Variants in KATNAL1 observed in about 807,000 individuals in gnomAD.
KATNAL1 encodes the protein katanin catalytic subunit A1 like 1, also known as katanin p60 ATPase-containing subunit A-like 1.
KATNAL1 carries 32 observed loss-of-function variants against 55.2 expected under a neutral mutation model. That is an observed-to-expected ratio of 0.58 (90% CI 0.44 to 0.78). The LOEUF (loss-of-function observed/expected upper bound fraction) is 0.78. Ranked by LOEUF, KATNAL1 falls within the 30% of genes least tolerant of loss-of-function variation. KATNAL1 has a pLI of 0.00. For missense variants in KATNAL1, 466 were observed against 600.9 expected (o/e 0.78, Z 2.35); for synonymous variants, 193 against 193.6 (o/e 1.00, Z 0.02).
chr13:30,231,323 C>CT lies in KATNAL1; in HGVS notation c.875_876insA (p.Phe293ValfsTer2). 1 of 1,606,764 alleles carries CT rather than the reference C, an allele frequency of 6.2e-7. No homozygotes were observed. The highest frequency in any genetic ancestry group is 8.5e-7 in the Non-Finnish European group (1 of 1,176,482). On this transcript the variant is annotated frameshift_variant, in exon 7 of 11. Transcript: ENST00000380615. LOFTEE classifies it high-confidence loss of function. ...ATATATCGTCACTCACCATCTCAAA[C>CT]AACAGACGAACTAACTTCTCAGATT...
chr13:30,247,876 C>T lies in KATNAL1; in HGVS notation c.493-6790G>A, dbSNP rs373839710. On this transcript the variant is annotated intron_variant, in intron 4 of 10. Transcript: ENST00000380615. ...GTGTGTTCTCTCATGTTTTATTTTA[C>T]ACTTTCTGTAGTATACAGAATGGCT... Among the ~76,000 whole-genome samples, 45 of 152,310 alleles carry T rather than the reference C, an allele frequency of 3.0e-4. No individual in the cohort carries two copies. In the South Asian group the frequency reaches 6.6e-3, roughly 22 times the overall value.
Position 30,205,000 on chromosome 13 carries a change from T to C in KATNAL1, c.*3540A>G, listed in dbSNP as rs1257188050. 2 of 152,108 alleles carry C rather than the reference T, an allele frequency of 1.3e-5. No homozygotes were observed. The highest frequency in any genetic ancestry group is 2.4e-5 in the African/African-American group (1 of 41,426). The allele number at this position is 152,108 out of a possible 1,614,324, so 9.4% of individuals were successfully genotyped here. On this transcript the variant is annotated 3_prime_UTR_variant, in exon 11 of 11. Coordinates refer to ENST00000380615, the MANE Select transcript of KATNAL1 (RefSeq NM_032116.5). Reference sequence around the variant, plus strand: ...TAATTTCCTTTAAAAAAAGAAATTATGGGGGCAAAAGGTTTATAGTAAACA... The same window carrying C: ...TAATTTCCTTTAAAAAAAGAAATTACGGGGGCAAAAGGTTTATAGTAAACA...
At chr13:30,239,281 G>A (rs1280659168) in intron 6 of KATNAL1, among the ~76,000 whole-genome samples, 4 of 152,088 alleles carry the variant, frequency 2.6e-5, no homozygotes, top group Admixed American at 6.5e-5. Flanking sequence ...ATGGTGGCAC[G>A]CATCTGTAAT....
intron 6 of KATNAL1, among the ~76,000 whole-genome samples, chr13:30,239,711 G>C (rs1321037620): frequency 7.0e-6 from 1 of 142,456 alleles, no homozygotes; most frequent in Non-Finnish European, 1.5e-5. Context: ...TTTTGAGATG[G>C]AGTCTCACTC....
intron 9 of KATNAL1, among the ~76,000 whole-genome samples, chr13:30,212,272 T>C (rs1873763239): frequency 6.6e-6 from 1 of 152,166 alleles, no homozygotes; most frequent in South Asian, 2.1e-4. Flanking sequence ...GTTACAGAGT[T>C]TGAGAAGATA....
At chr13:30,210,761 A>C in intron 9 of KATNAL1, 1 of 175,422 alleles carries the variant, frequency 5.7e-6, no homozygotes. Flanking sequence ...AAATATAAAT[A>C]TCAGTTTTCA....
In KATNAL1 at chr13:30,255,485, T is replaced by C. The variant is rs201478358; in HGVS notation, c.454A>G (p.Arg152Gly). The change falls in exon 4 of 11, where the codon AGG (arginine) becomes GGG (glycine). Residue 152 changes from arginine (R) to glycine (G), a missense_variant. Transcript: ENST00000380615. ...CCTCTTGCTCTATAGTCCTTGTCCC[T>C]ACTTGTAGAAGGCTTTTCACTCTTT... ...ISKSEKPSTS[R>G]DKDYRARGRD... is the part of the protein sequence containing the mutation. 324 of 1,594,710 alleles carry C rather than the reference T, an allele frequency of 2.0e-4. 1 individual carries two copies. The highest frequency in any genetic ancestry group is 2.7e-4 in the Non-Finnish European group (312 of 1,170,382).
intron 8 of KATNAL1, among the ~76,000 whole-genome samples, chr13:30,229,179 T>C (rs868694473): frequency 1.3e-5 from 2 of 152,240 alleles, no homozygotes; most frequent in Middle Eastern, 3.4e-3. Context: ...TTTCCTTCTA[T>C]GGCTCCTCAG....
chr13:30,256,402 C>T (rs575791982), intron 3 of KATNAL1, among the ~76,000 whole-genome samples: 4 of 152,204 alleles, frequency 2.6e-5, no homozygotes, highest in South Asian at 4.1e-4. Context: ...TCTATCACTT[C>T]GTGTCTAATC....
chr13:30,223,993 TAC>T (rs1875184788), intron 9 of KATNAL1, among the ~76,000 whole-genome samples: 1 of 152,176 alleles, frequency 6.6e-6, no homozygotes, highest in South Asian at 2.1e-4. Context: ...ATTGACATCT[TAC>T]AGAGTATGTT....
chr13:30,296,251 G>T, intron 1 of KATNAL1: 1 of 1,161,300 alleles, frequency 8.6e-7, no homozygotes, highest in East Asian at 2.5e-5. Flanking sequence ...ACTACAAAGG[G>T]AAGTACGTGG....
intron 3 of KATNAL1, among the ~76,000 whole-genome samples, chr13:30,264,869 C>G (rs866678539): frequency 0.013 from 1,828 of 137,552 alleles, 17 homozygotes; most frequent in Middle Eastern, 0.058. Flanking sequence ...CATCCCATTA[C>G]TGGGTATATA....
chr13:30,244,415 ATTTATAATCC>A (rs1480165109), intron 4 of KATNAL1, among the ~76,000 whole-genome samples: 11 of 152,280 alleles, frequency 7.2e-5, no homozygotes, highest in Non-Finnish European at 1.3e-4. Context: ...TTATAGAATG[ATTTATAATCC>A]TTTGGGTATA....
intron 3 of KATNAL1, among the ~76,000 whole-genome samples, chr13:30,267,208 CTTAA>C (rs1879846997): frequency 1.3e-5 from 2 of 152,112 alleles, no homozygotes; most frequent in South Asian, 4.1e-4. Context: ...ACCTAAGATA[CTTAA>C]TTTATTTTTT....
At position 30,285,884 on chromosome 13, in the gene KATNAL1, A is replaced by T. The variant is rs542276796; in HGVS notation, c.-14-2093T>A. ...TTGTCCTTGCTGTGCTTTGGCAAAG[A>T]GACTGGCAGCATTTTGTCCCTGCCC... is the stretch of plus-strand genomic sequence containing the variant. On this transcript the variant is annotated intron_variant, in intron 1 of 10. Coordinates refer to ENST00000380615, the MANE Select transcript of KATNAL1 (RefSeq NM_032116.5). 3.9e-5 allele frequency among the ~76,000 whole-genome samples: 6 copies of T among 152,338 alleles called. No individual in the cohort carries two copies. The South Asian group carries it at 1.2e-3, about 32-fold the overall frequency.
At chr13:30,300,438 G>T (rs1286503012) in intron 1 of KATNAL1, among the ~76,000 whole-genome samples, 1 of 151,746 alleles carries the variant, frequency 6.6e-6, no homozygotes, top group Non-Finnish European at 1.5e-5. Flanking sequence ...ACAGTGGTAA[G>T]CAAAACAACA....
intron 4 of KATNAL1, among the ~76,000 whole-genome samples, chr13:30,246,267 A>C (rs184847397): frequency 4.6e-4 from 70 of 152,328 alleles, no homozygotes; most frequent in African/African-American, 1.6e-3. Flanking sequence ...GATCTTTGAC[A>C]AACCTGACAA....
intron 9 of KATNAL1, among the ~76,000 whole-genome samples, chr13:30,219,876 AGT>A (rs1356603883): frequency 6.6e-6 from 1 of 152,192 alleles, no homozygotes; most frequent in Non-Finnish European, 1.5e-5. Flanking sequence ...AAGGAAATGG[AGT>A]TCCTACCTTT....
At chr13:30,272,009 G>T (rs1337583717) in intron 3 of KATNAL1, among the ~76,000 whole-genome samples, 2 of 151,910 alleles carry the variant, frequency 1.3e-5, no homozygotes, top group African/African-American at 2.4e-5. Flanking sequence ...GTCCAGAGAA[G>T]AGGCATTTTC....
Sources: gnomAD v4.1 joint callset for allele counts (sites outside exome capture counted in the v4.1 genomes callset) on GRCh38, gnomAD v4.1.1 for gene constraint, MANE v1.5 for transcripts, NCBI Gene and HGNC (gene_info 2026-07-23, HGNC 2026-07-21) for gene names.